The following ATP13A4 variants were observed in gnomAD, a reference collection of about 807,000 sequenced individuals.
ATP13A4 encodes the protein probable cation-transporting ATPase 13A4.
A neutral mutation model predicts 142.5 loss-of-function variants in ATP13A4; 114 were observed. The observed-to-expected ratio is 0.80, with a 90% CI of 0.69 to 0.93. The LOEUF is 0.93. Among genes scored for constraint, ATP13A4 ranks in the 40% least tolerant of loss-of-function variants. The pLI, the probability that ATP13A4 is intolerant of heterozygous loss-of-function variation, is 0.00. For missense variants in ATP13A4, 1,392 were observed against 1,454.0 expected (o/e 0.96, Z 0.69); for synonymous variants, 488 against 514.8 (o/e 0.95, Z 0.70).
intron 25 of ATP13A4, among the ~76,000 whole-genome samples, chr3:193,433,640 C>T (rs942844253): frequency 3.3e-5 from 5 of 152,148 alleles, no homozygotes; most frequent in East Asian, 1.9e-4. Context: ...AGCAAAATAA[C>T]GAGCAAGCTT....
rs1055648464 is a variant in ATP13A4, at chr3:193,399,486, C to T, written c.*3166G>A. Among the ~76,000 whole-genome samples, 2 of 152,126 alleles carry T rather than the reference C, an allele frequency of 1.3e-5. No individual in the cohort carries two copies. Among genetic ancestry groups the T allele is most frequent in the African/African-American group, 4.8e-5 (2 of 41,432 alleles). ...TATATGTCCACACAATCGGATCTGA[C>T]AAGGCTGGGAGCCCTCCCTCCAGAG... On this transcript the variant is annotated 3_prime_UTR_variant, in exon 30 of 30. Transcript: ENST00000342695.
intron 1 of ATP13A4, among the ~76,000 whole-genome samples, chr3:193,586,568 T>C (rs1228620428): frequency 6.6e-6 from 1 of 152,362 alleles, no homozygotes; most frequent in South Asian, 2.1e-4. Context: ...GTGTATAGTA[T>C]ACATTTTCTA....
In ATP13A4 at chr3:193,540,562, A is replaced by G. The variant is rs564899132; in HGVS notation, c.60+14178T>C. The stretch of plus-strand genomic sequence containing the variant: ...AAAAAAAAAAAAAAAAAACCCTTCT[A>G]GCTTATACAAAACACAAGACAAGAT... On this transcript the variant is annotated intron_variant, in intron 1 of 29. Transcript: ENST00000342695. Among the ~76,000 whole-genome samples, 424 of 146,512 alleles carry G rather than the reference A, an allele frequency of 2.9e-3. 3 individuals carry two copies. The highest frequency in any genetic ancestry group is 5.3e-3 in the Non-Finnish European group (354 of 66,666).
At chr3:193,485,677 G>GC (rs1719570372) in intron 7 of ATP13A4, among the ~76,000 whole-genome samples, 1 of 152,094 alleles carries the variant, frequency 6.6e-6, no homozygotes, top group Admixed American at 6.6e-5. Flanking sequence ...TGAAATCCTA[G>GC]CCCCCAAGAT....
At chr3:193,494,840 G>A (rs6788922) in intron 3 of ATP13A4, among the ~76,000 whole-genome samples, 21,136 of 151,468 alleles carry the variant, frequency 0.14, 1,887 homozygotes, top group East Asian at 0.24. Flanking sequence ...TTAAAAGATA[G>A]ACAAAATTAA....
Position 193,474,710 on chromosome 3 carries a change from G to A in ATP13A4, c.809-3717C>T, listed in dbSNP as rs916485822. ...AAAGAAAAAGAAAAAAGGAAGGAAG[G>A]AAAGAGAGAGAGAAAGAAAGAGAAA... On this transcript the variant is annotated intron_variant, in intron 8 of 29. Coordinates refer to ENST00000342695, the MANE Select transcript of ATP13A4 (RefSeq NM_032279.4). Among the ~76,000 whole-genome samples, 151 of 119,162 alleles carry A rather than the reference G, an allele frequency of 1.3e-3. 2 individuals are homozygous for A. The highest frequency in any genetic ancestry group is 2.0e-3 in the Non-Finnish European group (117 of 57,138). 78.2% of individuals were successfully genotyped at this position (119,162 alleles called of 152,430 possible). A position where few individuals can be genotyped will look rare whatever the true frequency, so the allele number is the denominator to read the frequency against.
intron 7 of ATP13A4, among the ~76,000 whole-genome samples, chr3:193,488,745 G>T (rs1033493305): frequency 5.9e-5 from 9 of 152,204 alleles, no homozygotes; most frequent in Non-Finnish European, 1.0e-4. Flanking sequence ...TATAGTAGTA[G>T]CTGAAGGCAG....
At position 193,459,154 on chromosome 3, in the gene ATP13A4, T is replaced by C. The variant is rs1717804330; in HGVS notation, c.1601A>G (p.His534Arg). 6.2e-7 allele frequency: 1 copy of C among 1,614,092 alleles called. No homozygotes were observed. Among genetic ancestry groups the C allele is most frequent in the Non-Finnish European group, 8.5e-7 (1 of 1,180,012 alleles). ...GPLCAAMASC[H>R]SLILLDGTIQ... ...GGTCCCATCAAGAAGGATCAGAGAG[T>C]GGCAGCTGGCCATCGCTGCACACAG... The change falls in exon 14 of 30, where the codon CAC (histidine) becomes CGC (arginine). Residue 534 changes from histidine to arginine, a missense_variant. By Grantham distance (29) the His-to-Arg change is conservative (BLOSUM62 0). Coordinates refer to ENST00000342695, the MANE Select transcript of ATP13A4 (RefSeq NM_032279.4).
intron 25 of ATP13A4, among the ~76,000 whole-genome samples, chr3:193,430,538 T>G (rs1715912051): frequency 6.6e-6 from 1 of 152,130 alleles, no homozygotes; most frequent in Non-Finnish European, 1.5e-5. Context: ...AGAACTGGCT[T>G]CTTCACTATT....
intron 8 of ATP13A4, among the ~76,000 whole-genome samples, chr3:193,474,359 G>GA (rs1312922188): frequency 2.7e-5 from 3 of 112,236 alleles, no homozygotes; most frequent in Non-Finnish European, 5.8e-5. Flanking sequence ...AAACAAAAAA[G>GA]AAAAGAAATA....
intron 18 of ATP13A4, among the ~76,000 whole-genome samples, chr3:193,446,110 C>CTA (rs1716939475): frequency 6.6e-6 from 1 of 152,132 alleles, no homozygotes; most frequent in Non-Finnish European, 1.5e-5. Context: ...CTGAAGTGAG[C>CTA]TATGATCCTG....
At chr3:193,428,338 T>A (rs980970936) in intron 25 of ATP13A4, among the ~76,000 whole-genome samples, 1 of 152,156 alleles carries the variant, frequency 6.6e-6, no homozygotes, top group East Asian at 1.9e-4. Flanking sequence ...TTTACACTGT[T>A]GGTGGGACTG....
At chr3:193,472,414 C>G (rs906496759) in intron 8 of ATP13A4, among the ~76,000 whole-genome samples, 2 of 152,040 alleles carry the variant, frequency 1.3e-5, no homozygotes, top group Admixed American at 6.6e-5. Flanking sequence ...TACTTGTGCC[C>G]CAAAGCACAA....
chr3:193,541,590 C>G (rs75821201), intron 1 of ATP13A4, among the ~76,000 whole-genome samples: 6,135 of 152,016 alleles, frequency 0.04, 142 homozygotes, highest in East Asian at 0.11. Context: ...CTGTTTCTTT[C>G]TTTGTTTGTT....
At chr3:193,498,502 A>C (rs948325378) in intron 3 of ATP13A4, among the ~76,000 whole-genome samples, 1 of 152,194 alleles carries the variant, frequency 6.6e-6, no homozygotes, top group Non-Finnish European at 1.5e-5. Flanking sequence ...ACAAAAAGAA[A>C]CAGCGAGACT....
At chr3:193,441,111 T>C (rs988864406) in intron 20 of ATP13A4, among the ~76,000 whole-genome samples, 1 of 152,128 alleles carries the variant, frequency 6.6e-6, no homozygotes, top group Non-Finnish European at 1.5e-5. Flanking sequence ...ACTAATGGTG[T>C]TCCTTTATTC....
intron 1 of ATP13A4, among the ~76,000 whole-genome samples, chr3:193,546,855 G>T (rs993037279): frequency 1.3e-5 from 2 of 152,182 alleles, no homozygotes; most frequent in African/African-American, 4.8e-5. Flanking sequence ...AAAGAGAGAT[G>T]ACAGTTCCTT....
At chr3:193,407,256 C>G (rs1438932892) in intron 29 of ATP13A4, 57 bp downstream of exon 29, 8 of 1,481,504 alleles carry the variant, frequency 5.4e-6, no homozygotes, top group Non-Finnish European at 6.6e-6. Flanking sequence ...AAAGAAGTCC[C>G]CCTACACACA....
At chr3:193,574,254 G>A (rs1324115268) in intron 2 of ATP13A4, among the ~76,000 whole-genome samples, 1 of 152,224 alleles carries the variant, frequency 6.6e-6, no homozygotes, top group Non-Finnish European at 1.5e-5. Flanking sequence ...GTGAAGGAAG[G>A]AAAGTAGGGA....
Sources: allele counts gnomAD v4.1 joint callset (sites outside exome capture counted in the v4.1 genomes callset), GRCh38; gene constraint gnomAD v4.1.1; transcripts MANE v1.5; gene names NCBI Gene and HGNC (gene_info 2026-07-23, HGNC 2026-07-21).